Variants in AFF3 observed in about 807,000 individuals in gnomAD.
AFF3 encodes the protein ALF transcription elongation factor 3.
Under a neutral mutation model 129.7 loss-of-function variants are expected in AFF3, and 32 were observed. The ratio of observed to expected loss-of-function variants is 0.25; its 90% confidence interval spans 0.19 to 0.33. The LOEUF (loss-of-function observed/expected upper bound fraction) is 0.33, where lower values mean the gene tolerates loss of function less well. Among genes scored for constraint, AFF3 ranks in the 10% least tolerant of loss-of-function variants. The pLI is 1.00. For synonymous variants in AFF3, 644 were observed against 635.4 expected (o/e 1.01, Z -0.20); for missense variants, 1,373 against 1,592.0 (o/e 0.86, Z 2.34).
At position 99,548,602 on chromosome 2, in the gene AFF3, G is replaced by A; in HGVS notation, c.*2872C>T. The A allele has an allele frequency of 4.9e-6, 1 of 203,642 alleles. No homozygotes were observed. The highest frequency in any genetic ancestry group is 1.9e-4 in the South Asian group (1 of 5,250). The allele number at this position is 203,642 out of a possible 1,614,324, so 12.6% of individuals were successfully genotyped here. A position where few individuals can be genotyped will look rare whatever the true frequency, so the allele number is the denominator to read the frequency against. On this transcript the variant is annotated 3_prime_UTR_variant, in exon 25 of 25. Transcript: ENST00000672756. ...AAAAAATAAAGAAAAAATTAGCCGG[G>A]TGTGGTGGCACGTGCCTATCTTCCC...
chr2:99,604,295 TA>T (rs757892462), intron 13 of AFF3, among the ~76,000 whole-genome samples: 13 of 149,544 alleles, frequency 8.7e-5, no homozygotes, highest in East Asian at 5.8e-4. Flanking sequence ...TGCAACCATT[TA>T]AAAAAAAAAG....
intron 4 of AFF3, among the ~76,000 whole-genome samples, chr2:100,099,677 GTATTTA>G (rs1477267995): frequency 2.6e-5 from 4 of 152,152 alleles, no homozygotes; most frequent in Non-Finnish European, 5.9e-5. Context: ...TGGATTACAG[GTATTTA>G]TGGGTATGGC....
At chr2:100,130,148 G>A (rs941373634) in intron 1 of AFF3, among the ~76,000 whole-genome samples, 1 of 152,216 alleles carries the variant, frequency 6.6e-6, no homozygotes, top group Non-Finnish European at 1.5e-5. Context: ...AAAGCAGAAT[G>A]ATTGAGATAG....
At chr2:99,585,902 T>A (rs1028718441) in intron 16 of AFF3, among the ~76,000 whole-genome samples, 6 of 152,072 alleles carry the variant, frequency 3.9e-5, no homozygotes, top group African/African-American at 7.2e-5. Flanking sequence ...CTAATTTTTT[T>A]ATATTTTTAG....
At chr2:99,875,210 C>T (rs1283300620) in intron 7 of AFF3, among the ~76,000 whole-genome samples, 1 of 152,048 alleles carries the variant, frequency 6.6e-6, no homozygotes, top group Non-Finnish European at 1.5e-5. Context: ...ACCTCTGGGC[C>T]CTTGTCTCTG....
chr2:99,915,173 A>G (rs1475698480), intron 7 of AFF3, among the ~76,000 whole-genome samples: 1 of 152,170 alleles, frequency 6.6e-6, no homozygotes, highest in Non-Finnish European at 1.5e-5. Context: ...ATTGACATAA[A>G]AAGATTTTAA....
intron 13 of AFF3, among the ~76,000 whole-genome samples, chr2:99,637,676 C>T (rs559647936): frequency 2.0e-3 from 311 of 152,280 alleles, no homozygotes; most frequent in Middle Eastern, 6.8e-3. Flanking sequence ...CAAGAAGGAA[C>T]AGGTGTACTT....
chr2:99,883,767 T>C (rs943625589), intron 7 of AFF3, among the ~76,000 whole-genome samples: 5 of 152,218 alleles, frequency 3.3e-5, no homozygotes, highest in Admixed American at 6.5e-5. Flanking sequence ...AGCAAGGAAC[T>C]AAAATTTAAC....
At chr2:100,085,904 T>C (rs1689385557) in intron 4 of AFF3, among the ~76,000 whole-genome samples, 1 of 151,964 alleles carries the variant, frequency 6.6e-6, no homozygotes, top group South Asian at 2.1e-4. Context: ...TTGTGACTCG[T>C]GGGTTTCTAT....
intron 7 of AFF3, among the ~76,000 whole-genome samples, chr2:99,915,930 A>G (rs1219518978): frequency 1.3e-5 from 2 of 152,236 alleles, no homozygotes; most frequent in Non-Finnish European, 2.9e-5. Context: ...AACAGACTTA[A>G]ACTGAAGAAG....
At chr2:100,126,315 T>C (rs1692189038) in intron 2 of AFF3, among the ~76,000 whole-genome samples, 1 of 152,160 alleles carries the variant, frequency 6.6e-6, no homozygotes, top group Non-Finnish European at 1.5e-5. Context: ...AGAGGAGTGT[T>C]TACTGGGCTC....
At chr2:99,932,999 A>T (rs950541084) in intron 7 of AFF3, among the ~76,000 whole-genome samples, 1 of 152,210 alleles carries the variant, frequency 6.6e-6, no homozygotes, top group Non-Finnish European at 1.5e-5. Flanking sequence ...ATTTCAGAGA[A>T]AGGCAAACTG....
At chr2:99,780,299 G>A (rs1017459837) in intron 8 of AFF3, among the ~76,000 whole-genome samples, 2 of 152,244 alleles carry the variant, frequency 1.3e-5, no homozygotes, top group South Asian at 2.1e-4. Context: ...ACCTCTCAGC[G>A]CTCTGTCTGA....
intron 7 of AFF3, among the ~76,000 whole-genome samples, chr2:99,974,066 T>C (rs1678644682): frequency 6.6e-6 from 1 of 152,254 alleles, no homozygotes; most frequent in African/African-American, 2.4e-5. Context: ...ACTTTAGATG[T>C]TGAATATGTA....
chr2:100,001,673 G>A (rs1435651388), intron 7 of AFF3, among the ~76,000 whole-genome samples: 3 of 150,954 alleles, frequency 2.0e-5, no homozygotes, highest in South Asian at 2.1e-4. Context: ...TGATCCACCC[G>A]CCTTGGCCTC....
At chr2:99,615,754 C>A (rs1681365431) in intron 13 of AFF3, among the ~76,000 whole-genome samples, 1 of 152,238 alleles carries the variant, frequency 6.6e-6, no homozygotes, top group African/African-American at 2.4e-5. Flanking sequence ...GGGGCCATTG[C>A]CCTCCAGCTG....
chr2:99,915,289 G>A lies in AFF3; in HGVS notation c.874-77765C>T, dbSNP rs537887525. ...ACATGGATCAATAGGGATATCAATA[G>A]GGATCAAAAGGCAAGTTAGATAATG... On this transcript the variant is annotated intron_variant, in intron 7 of 24. Transcript: ENST00000672756. Among the ~76,000 whole-genome samples the A allele has an allele frequency of 2.0e-5, 3 of 152,144 alleles. No homozygotes were observed. In the South Asian group the frequency reaches 6.2e-4, roughly 32 times the overall value.
chr2:99,723,498 A>C (rs1422345817), intron 11 of AFF3, among the ~76,000 whole-genome samples: 1 of 152,176 alleles, frequency 6.6e-6, no homozygotes, highest in East Asian at 1.9e-4. Flanking sequence ...CCACACCATG[A>C]ATATGAGAGA....
At chr2:99,844,440 T>TTTC (rs1435462057) in intron 7 of AFF3, among the ~76,000 whole-genome samples, 2 of 135,138 alleles carry the variant, frequency 1.5e-5, no homozygotes, top group Non-Finnish European at 3.2e-5. Flanking sequence ...TTTTCTTTTT[T>TTTC]TTTTTTTTTT....
Sources: gnomAD v4.1 joint callset for allele counts (sites outside exome capture counted in the v4.1 genomes callset) on GRCh38, gnomAD v4.1.1 for gene constraint, MANE v1.5 for transcripts, NCBI Gene and HGNC (gene_info 2026-07-23, HGNC 2026-07-21) for gene names.